Variants in AHNAK observed in about 807,000 individuals in gnomAD.
AHNAK encodes AHNAK nucleoprotein.
AHNAK carries 23 observed loss-of-function variants against 37.8 expected under a neutral mutation model. The ratio of observed to expected loss-of-function variants is 0.61; its 90% CI spans 0.44 to 0.86. The LOEUF (loss-of-function observed/expected upper bound fraction) is 0.86, where lower values mean the gene tolerates loss of function less well. Ranked by LOEUF, AHNAK falls within the 40% of genes least tolerant of loss-of-function variation. AHNAK has a pLI of 0.00. For synonymous variants in AHNAK, 2,481 were observed against 2,636.3 expected (o/e 0.94, Z 1.80); for missense variants, 7,411 against 7,319.4 (o/e 1.01, Z -0.46).
chr11:62,493,309 C>T (rs1364310861), intron 4 of AHNAK, among the ~76,000 whole-genome samples: 1 of 148,480 alleles, frequency 6.7e-6, no homozygotes, highest in Non-Finnish European at 1.5e-5. Context: ...ACATCATGCT[C>T]GGCCTGTTTT....
intron 5 of AHNAK, among the ~76,000 whole-genome samples, chr11:62,481,317 G>A (rs1590618400): frequency 6.6e-6 from 1 of 151,888 alleles, no homozygotes; most frequent in South Asian, 2.1e-4. Context: ...ATTTTGGCCA[G>A]GCTGGTCCTG....
downstream of AHNAK, chr11:62,515,835 C>T: frequency 1.1e-5 from 12 of 1,054,090 alleles, no homozygotes; most frequent in Non-Finnish European, 1.4e-5. Flanking sequence ...TCTGAACACT[C>T]ACAGCTGGCT....
At position 62,519,634 on chromosome 11, in the gene AHNAK, G is replaced by C; in HGVS notation, c.14783C>G (p.Pro4928Arg). 1 of 1,613,242 alleles carries C rather than the reference G, an allele frequency of 6.2e-7. No homozygotes were observed. Among genetic ancestry groups the C allele is most frequent in the South Asian group, 1.1e-5 (1 of 90,822 alleles). ...CTTCGGACCTGAAAATCCAATTTTT[G>C]GTGCCTTGAGATGCAAATCAACATC... ...APDVDLHLKA[P>R]KIGFSGPKLE... The change falls in exon 5 of 5, where the codon CCA becomes CGA. Residue 4928 changes from proline to arginine, a missense_variant. Coordinates refer to ENST00000378024, the MANE Select transcript of AHNAK (RefSeq NM_001620.3).
Position 62,534,071 on chromosome 11 carries a change from C to T in AHNAK, c.346G>A (p.Gly116Arg), listed in dbSNP as rs758024680. 3.6e-5 allele frequency: 55 copies of T among 1,531,784 alleles called. No homozygotes were observed. The highest frequency in any genetic ancestry group is 4.6e-5 in the Non-Finnish European group (52 of 1,139,554). The allele number at this position is 1,531,784 out of a possible 1,614,324, so 94.9% of individuals were successfully genotyped here. A position where few individuals can be genotyped will look rare whatever the true frequency, so the allele number is the denominator to read the frequency against. Residue 116 changes from glycine to arginine, a missense_variant, in exon 5 of 5, where the codon GGG (glycine) becomes AGG (arginine). Physicochemically the swap from Gly to Arg is moderately radical, Grantham distance 125. Transcript: ENST00000378024. ...ATGCGCTGGTACTCCTCATCATCCC[C>T]GCTCTGCAGAAAGACACGCCGGGCA... ...SSCSSEVVLS[G>R]DDEEYQRIYT...
chr11:62,497,276 G>A (rs912361516), intron 4 of AHNAK, among the ~76,000 whole-genome samples: 4 of 152,142 alleles, frequency 2.6e-5, no homozygotes, highest in Non-Finnish European at 5.9e-5. Context: ...TTGTCATCTC[G>A]TCATTCCAGG....
At position 62,527,491 on chromosome 11, in the gene AHNAK, G is replaced by A. The variant is rs1940540526; in HGVS notation, c.6926C>T (p.Thr2309Ile). The A allele has an allele frequency of 1.2e-6, 2 of 1,614,066 alleles. No homozygotes were observed. Among genetic ancestry groups the A allele is most frequent in the Non-Finnish European group, 8.5e-7 (1 of 1,180,010 alleles). ...AACATCAGGCATGGAGATCTTGGGG[G>A]TCTTGAAGTGCATCTCAGGCATCTT... is the stretch of plus-strand genomic sequence containing the variant. ...KFKMPEMHFK[T>I]PKISMPDVDF... is the part of the protein sequence containing the mutation. The change falls in exon 5 of 5, where the codon ACC becomes ATC. Residue 2309 changes from threonine (T) to isoleucine (I), a missense_variant. Physicochemically the swap from Thr to Ile is moderately conservative, Grantham distance 89 (BLOSUM62 -1). Transcript: ENST00000378024.
Position 62,531,262 on chromosome 11 carries a change from C to A in AHNAK, c.3155G>T (p.Gly1052Val). Residue 1052 changes from glycine to valine, a missense_variant, in exon 5 of 5, where the codon GGC (glycine) becomes GTC (valine). Physicochemically the swap from Gly to Val is moderately radical, Grantham distance 109. Coordinates refer to ENST00000378024, the MANE Select transcript of AHNAK (RefSeq NM_001620.3). ...SLEGPEGKLK[G>V]PKFKMPEMHF... ...CATCTCAGGCATCTTAAACTTCGGGCCTTTCAACTTCCCTTCAGGTCCTTC... is the reference window on the plus strand; with the variant it reads ...CATCTCAGGCATCTTAAACTTCGGGACTTTCAACTTCCCTTCAGGTCCTTC... 1 of 1,613,712 alleles carries A rather than the reference C, an allele frequency of 6.2e-7. No individual in the cohort carries two copies.
rs1217692434 is a variant in AHNAK at position 62,522,828 on chromosome 11, C to T, written c.11589G>A (p.Met3863Ile). The change falls in exon 5 of 5, where the codon ATG (methionine) becomes ATA (isoleucine). Residue 3863 changes from methionine to isoleucine, a missense_variant. Physicochemically the swap from Met to Ile is conservative, Grantham distance 10. Transcript: ENST00000378024. ...EGKLKGPKFK[M>I]PEMNIKAPKI... is the part of the protein sequence containing the mutation. ...TGGGGGCTTTGATGTTCATCTCAGG[C>T]ATCTTGAATTTGGGACCTTTCAACT... 2 of 1,613,292 alleles carry T rather than the reference C, an allele frequency of 1.2e-6. No homozygotes were observed. Among genetic ancestry groups the T allele is most frequent in the African/African-American group, 2.7e-5 (2 of 74,612 alleles).
rs754369555 is a variant in AHNAK, at chr11:62,525,286, A to G, written c.9131T>C (p.Val3044Ala). Reference protein sequence around the residue: ...GFKGEGPDVDVNLPKADLDVS... With the variant: ...GFKGEGPDVDANLPKADLDVS... Reference sequence around the variant, plus strand: ...ATCAAGGTCAGCCTTGGGCAGGTTCACATCCACATCTGGGCCCTCTCCTTT... The same window carrying G: ...ATCAAGGTCAGCCTTGGGCAGGTTCGCATCCACATCTGGGCCCTCTCCTTT... The change falls in exon 5 of 5, where the codon GTG becomes GCG. Residue 3044 changes from valine (V) to alanine (A), a missense_variant. Transcript: ENST00000378024. The G allele has an allele frequency of 1.9e-6, 3 of 1,612,954 alleles. No homozygotes were observed. Among genetic ancestry groups the G allele is most frequent in the Non-Finnish European group, 2.5e-6 (3 of 1,179,784 alleles).
At position 62,532,508 on chromosome 11, in the gene AHNAK, T is replaced by C. The variant is rs751529478; in HGVS notation, c.1909A>G (p.Ser637Gly). ...KMPKMKMPTFSTPGAKGEGPD... is the reference protein window; with the variant it reads ...KMPKMKMPTFGTPGAKGEGPD... Reference sequence around the variant, plus strand: ...CCTTCCCCTTTGGCTCCTGGAGTGCTGAACGTGGGCATTTTCATCTTGGGC... The same window carrying C: ...CCTTCCCCTTTGGCTCCTGGAGTGCCGAACGTGGGCATTTTCATCTTGGGC... The change falls in exon 5 of 5, where the codon AGC becomes GGC. Residue 637 changes from serine to glycine, a missense_variant. Physicochemically the swap from Ser to Gly is moderately conservative, Grantham distance 56 (BLOSUM62 0). Transcript: ENST00000378024. The C allele has an allele frequency of 1.2e-6, 2 of 1,614,142 alleles. No homozygotes were observed. The highest frequency in any genetic ancestry group is 1.7e-6 in the Non-Finnish European group (2 of 1,180,028).
intron 1 of AHNAK, among the ~76,000 whole-genome samples, chr11:62,543,721 G>A (rs1441935975): frequency 6.6e-6 from 1 of 152,206 alleles, no homozygotes; most frequent in Non-Finnish European, 1.5e-5. Flanking sequence ...CCTGAGCCCA[G>A]GGAAATGCCA....
At chr11:62,452,265 A>G (rs1401695541) in intron 5 of AHNAK, among the ~76,000 whole-genome samples, 1 of 152,218 alleles carries the variant, frequency 6.6e-6, no homozygotes, top group Non-Finnish European at 1.5e-5. Flanking sequence ...ACTGTGATGT[A>G]CATGGCTTAC....
At chr11:62,480,415 A>C (rs1939243943) in intron 5 of AHNAK, among the ~76,000 whole-genome samples, 1 of 152,042 alleles carries the variant, frequency 6.6e-6, no homozygotes, top group Admixed American at 6.6e-5. Flanking sequence ...TAATCCCAGC[A>C]CTTTGGGAGG....
chr11:62,465,667 A>G (rs1262637865), intron 5 of AHNAK, among the ~76,000 whole-genome samples: 1 of 152,130 alleles, frequency 6.6e-6, no homozygotes, highest in Non-Finnish European at 1.5e-5. Context: ...AAATTTTACC[A>G]TGAGGTCATA....
In AHNAK at chr11:62,541,412, C is replaced by T. The variant is rs958663029; in HGVS notation, c.-99-4845G>A. ...AAGGCCAAAGAGAAGCAGTCCTCATCCCAGGAACAAAATGACTCATGCCCA... is the reference window on the plus strand; with the variant it reads ...AAGGCCAAAGAGAAGCAGTCCTCATTCCAGGAACAAAATGACTCATGCCCA... On this transcript the variant is annotated intron_variant, in intron 1 of 4. Coordinates refer to ENST00000378024, the MANE Select transcript of AHNAK (RefSeq NM_001620.3). Among the ~76,000 whole-genome samples the T allele has an allele frequency of 3.3e-5, 5 of 152,308 alleles. No homozygotes were observed. The South Asian group carries it at 1.0e-3, about 32-fold the overall frequency.
rs1644693516 is a variant in AHNAK at position 62,529,402 on chromosome 11, T to C, written c.5015A>G (p.Asp1672Gly). The C allele has an allele frequency of 6.2e-7, 1 of 1,613,888 alleles. No individual in the cohort carries two copies. The highest frequency in any genetic ancestry group is 8.5e-7 in the Non-Finnish European group (1 of 1,180,010). Residue 1672 changes from aspartate (D) to glycine (G), a missense_variant, in exon 5 of 5, where the codon GAT (aspartate) becomes GGT (glycine). By Grantham distance (94) the Asp-to-Gly change is moderately conservative (BLOSUM62 -1). Transcript: ENST00000378024. ...LKGPKVKGDM[D>G]VSVPKVEGEM... Reference sequence around the variant, plus strand: ...ACCTTCTACCTTGGGCACAGACACATCCATATCCCCTTTGACTTTGGGGCC... The same window carrying C: ...ACCTTCTACCTTGGGCACAGACACACCCATATCCCCTTTGACTTTGGGGCC...
In AHNAK at chr11:62,531,004, C is replaced by T; in HGVS notation, c.3413G>A (p.Ser1138Asn). 2 of 1,614,198 alleles carry T rather than the reference C, an allele frequency of 1.2e-6. No homozygotes were observed. Among genetic ancestry groups the T allele is most frequent in the Non-Finnish European group, 1.7e-6 (2 of 1,180,040 alleles). ...KMKMPKFSMP[S>N]LKGEGPEVDV... ...CACTTCTGGGCCCTCGCCTTTGAGG[C>T]TGGGCATGCTGAACTTGGGCATTTT... The change falls in exon 5 of 5, where the codon AGC (serine) becomes AAC (asparagine). Residue 1138 changes from serine (S) to asparagine (N), a missense_variant. By Grantham distance (46) the Ser-to-Asn change is conservative. Coordinates refer to ENST00000378024, the MANE Select transcript of AHNAK (RefSeq NM_001620.3).
At chr11:62,454,932 T>TTA (rs1289594010) in intron 5 of AHNAK, among the ~76,000 whole-genome samples, 1 of 5,008 alleles carries the variant, frequency 2.0e-4, no homozygotes, top group African/African-American at 2.7e-4. Context: ...ATTTATTTAT[T>TTA]TTTTTTTTTT....
chr11:62,480,663 A>AAAAAG (rs879723385), intron 5 of AHNAK, among the ~76,000 whole-genome samples: 44 of 151,808 alleles, frequency 2.9e-4, no homozygotes, highest in Non-Finnish European at 5.4e-4. Flanking sequence ...TCTATCTCAA[A>AAAAAG]AAAAGAAAAG....
Sources: gnomAD v4.1 joint callset for allele counts (sites outside exome capture counted in the v4.1 genomes callset) on GRCh38, gnomAD v4.1.1 for gene constraint, MANE v1.5 for transcripts, NCBI Gene and HGNC (gene_info 2026-07-23, HGNC 2026-07-21) for gene names.